The following SLC11A1 variants were observed in gnomAD, a reference collection of about 807,000 sequenced individuals.
The protein encoded by SLC11A1 is natural resistance-associated macrophage protein 1.
In SLC11A1, 59 loss-of-function variants were observed where a neutral mutation model predicts 63.2. The ratio of observed to expected loss-of-function variants is 0.93; its 90% CI spans 0.76 to 1.16. SLC11A1 has a LOEUF of 1.16. Ranked by LOEUF, SLC11A1 falls within the 50% of genes most tolerant of loss-of-function variation. The pLI is 0.00. For missense variants in SLC11A1, 688 were observed against 730.7 expected (o/e 0.94, Z 0.67); for synonymous variants, 305 against 307.8 (o/e 0.99, Z 0.09).
In SLC11A1 at chr2:218,384,426, T is replaced by C; in HGVS notation, c.273+61T>C. On this transcript the variant is annotated intron_variant, in intron 3 of 14. Coordinates refer to ENST00000233202, the MANE Select transcript of SLC11A1 (RefSeq NM_000578.4). The surrounding 1 kb of genome is among the most constrained non-coding windows in gnomAD (Gnocchi z 4.0). ...AGAGGGAGGTGACCAGGCTAAGTGTTGAAGGCCCCTGCTGGCCATGTTTCT... is the reference window on the plus strand; with the variant it reads ...AGAGGGAGGTGACCAGGCTAAGTGTCGAAGGCCCCTGCTGGCCATGTTTCT... 1 of 1,542,304 alleles carries C rather than the reference T, an allele frequency of 6.5e-7. No individual in the cohort carries two copies. The highest frequency in any genetic ancestry group is 1.8e-5 in the Admixed American group (1 of 56,548).
intron 5 of SLC11A1, 120 bp downstream of exon 5, chr2:218,386,861 T>G (rs1696135069): frequency 1.3e-6 from 1 of 755,398 alleles, no homozygotes; most frequent in Non-Finnish European, 2.3e-6. Context: ...GAAGCAGGGC[T>G]GCTGCCCTGT....
chr2:218,394,936 T>G lies in SLC11A1; in HGVS notation c.1554T>G (p.Cys518Trp). The G allele has an allele frequency of 1.9e-6, 3 of 1,613,074 alleles. No individual in the cohort carries two copies. The highest frequency in any genetic ancestry group is 2.5e-6 in the Non-Finnish European group (3 of 1,179,652). The change falls in exon 15 of 15, where the codon TGT (cysteine) becomes TGG (tryptophan). Residue 518 changes from cysteine to tryptophan, a missense_variant. Cys to Trp is a radical substitution (Grantham distance 215, BLOSUM62 -2). Coordinates refer to ENST00000233202, the MANE Select transcript of SLC11A1 (RefSeq NM_000578.4). ...TGCCCCTCCCCCAGGTCTGGACCTG[T>G]TGCCTTGCCCACGGAGCCACCTTTC... is the stretch of plus-strand genomic sequence containing the variant. ...LGLSTYLVWT[C>W]CLAHGATFLA...
rs200188405 is a variant in SLC11A1, at chr2:218,383,122, C to A, written c.150+20C>A. 210 of 1,612,102 alleles carry A rather than the reference C, an allele frequency of 1.3e-4. 3 individuals are homozygous for A. In the Middle Eastern group the frequency reaches 6.6e-3, roughly 51 times the overall value. ...AAACCGGTGGGATGCTGGAAACTTC[C>A]TGGGGGCTTGCAAGATTGACAGGAT... On this transcript the variant is annotated intron_variant, in intron 2 of 14. Coordinates refer to ENST00000233202, the MANE Select transcript of SLC11A1 (RefSeq NM_000578.4).
In SLC11A1 at chr2:218,389,880, T is replaced by G. The variant is rs754247821; in HGVS notation, c.806T>G (p.Ile269Arg). The stretch of plus-strand genomic sequence containing the variant: ...CTTTGATCTTCGTAGTCTCGAGAGA[T>G]AGACCGGGCCCGCCGAGCAGACATC... The part of the protein sequence containing the change: ...LHSALVKSRE[I>R]DRARRADIRE... The change falls in exon 9 of 15, where the codon ATA becomes AGA. Residue 269 changes from isoleucine to arginine, a missense_variant. Transcript: ENST00000233202. 1.8e-5 allele frequency: 29 copies of G among 1,611,020 alleles called. No individual in the cohort carries two copies. The highest frequency in any genetic ancestry group is 2.2e-5 in the Non-Finnish European group (26 of 1,178,340).
rs1260285648 is a variant in SLC11A1, at chr2:218,395,066, T to C, written c.*31T>C. 2 of 1,509,548 alleles carry C rather than the reference T, an allele frequency of 1.3e-6. No homozygotes were observed. The highest frequency in any genetic ancestry group is 2.4e-5 in the East Asian group (1 of 41,936). 93.5% of individuals were successfully genotyped at this position (1,509,548 alleles called of 1,614,324 possible). A position where few individuals can be genotyped will look rare whatever the true frequency, so the allele number is the denominator to read the frequency against. On this transcript the variant is annotated 3_prime_UTR_variant, in exon 15 of 15. Transcript: ENST00000233202. ...CACCAGGGCCTGGCTGGGAGTGGCATGTATGACGTGACTGGCCTGCTGGAT... is the reference window on the plus strand; with the variant it reads ...CACCAGGGCCTGGCTGGGAGTGGCACGTATGACGTGACTGGCCTGCTGGAT...
At position 218,384,163 on chromosome 2, in the gene SLC11A1, C is replaced by T. The variant is rs1695947050; in HGVS notation, c.151-80C>T. On this transcript the variant is annotated intron_variant, in intron 2 of 14. Coordinates refer to ENST00000233202, the MANE Select transcript of SLC11A1 (RefSeq NM_000578.4). This position sits in a 1 kb window ranked among gnomAD's most constrained non-coding sequence, Gnocchi z 4.0. ...TGGGCTGATGAGCCTGTTGGGGCTCCTCTAGGGGATGGCCAAGGCCAGCTG... is the reference window on the plus strand; with the variant it reads ...TGGGCTGATGAGCCTGTTGGGGCTCTTCTAGGGGATGGCCAAGGCCAGCTG... 3 of 1,460,556 alleles carry T rather than the reference C, an allele frequency of 2.1e-6. No homozygotes were observed. Among genetic ancestry groups the T allele is most frequent in the African/African-American group, 1.4e-5 (1 of 71,060 alleles). 90.5% of individuals were successfully genotyped at this position (1,460,556 alleles called of 1,614,324 possible).
chr2:218,391,342 A>G (rs748426471), intron 10 of SLC11A1, 34 bp from the exon 11 acceptor site: 1 of 1,613,928 alleles, frequency 6.2e-7, no homozygotes. Context: ...CGCCTCGGGC[A>G]GGGCCACCGG....
intron 2 of SLC11A1, chr2:218,383,881 GA>G: frequency 1.2e-5 from 2 of 164,766 alleles, no homozygotes; most frequent in Non-Finnish European, 2.6e-5. Context: ...CCCGTGGTCT[GA>G]AAAGGAGCTG....
intron 4 of SLC11A1, chr2:218,385,687 G>A (rs1696064417): frequency 8.4e-6 from 3 of 355,646 alleles, no homozygotes; most frequent in Admixed American, 3.9e-5. Flanking sequence ...CACTGCATCC[G>A]GCCCCAATTC....
chr2:218,395,157 G>T lies in SLC11A1; in HGVS notation c.*122G>T. ...GTTCCTGAGACCAGCCAACCTGGGGGCTTTAGGGACCTGCTGTTTCCTAGC... is the reference window on the plus strand; with the variant it reads ...GTTCCTGAGACCAGCCAACCTGGGGTCTTTAGGGACCTGCTGTTTCCTAGC... On this transcript the variant is annotated 3_prime_UTR_variant, in exon 15 of 15. Coordinates refer to ENST00000233202, the MANE Select transcript of SLC11A1 (RefSeq NM_000578.4). 1 of 704,542 alleles carries T rather than the reference G, an allele frequency of 1.4e-6. No individual in the cohort carries two copies. Among genetic ancestry groups the T allele is most frequent in the East Asian group, 2.7e-5 (1 of 36,740 alleles). The allele number at this position is 704,542 out of a possible 1,614,324, so 43.6% of individuals were successfully genotyped here. A position where few individuals can be genotyped will look rare whatever the true frequency, so the allele number is the denominator to read the frequency against.
rs147035370 is a variant in SLC11A1 at position 218,394,187 on chromosome 2, A to G, written c.1382A>G (p.Asn461Ser). 3.8e-5 allele frequency: 62 copies of G among 1,614,078 alleles called. No homozygotes were observed. Among genetic ancestry groups the G allele is most frequent in the East Asian group, 2.2e-4 (10 of 44,868 alleles). The part of the protein sequence containing the change: ...SMPTLMQEFA[N>S]GLLNKVVTSS... The stretch of plus-strand genomic sequence containing the variant: ...CCCACCCTCATGCAGGAGTTTGCCA[A>G]TGGCCTGTGAGTACCCCCTTTCCCA... The change falls in exon 13 of 15, where the codon AAT becomes AGT. Residue 461 changes from asparagine to serine, a missense_variant. Asn to Ser is a conservative substitution (Grantham distance 46, BLOSUM62 1). Transcript: ENST00000233202.
At chr2:218,387,302 T>C in intron 6 of SLC11A1, 72 bp downstream of exon 6, 2 of 1,439,412 alleles carry the variant, frequency 1.4e-6, no homozygotes, top group African/African-American at 1.4e-5. Flanking sequence ...GGCTCTGACA[T>C]CGAACAGCCT....
At chr2:218,386,309 G>A (rs74967729) in intron 4 of SLC11A1, among the ~76,000 whole-genome samples, 4 of 152,020 alleles carry the variant, frequency 2.6e-5, no homozygotes, top group South Asian at 4.1e-4. Context: ...AAAACTAGCC[G>A]GGCATGGTGG....
chr2:218,383,359 A>AG, intron 2 of SLC11A1: 1 of 492,410 alleles, frequency 2.0e-6, no homozygotes, highest in Non-Finnish European at 3.6e-6. Context: ...AAAGAGGCCC[A>AG]GGGGGAATTG....
intron 9 of SLC11A1, 21 bp from the exon 10 acceptor site, chr2:218,391,177 C>G (rs1696412655): frequency 3.7e-6 from 6 of 1,610,186 alleles, no homozygotes; most frequent in Non-Finnish European, 5.1e-6. Flanking sequence ...CATCTTCCTT[C>G]TACTGCCCTG....
chr2:218,390,145 C>A, intron 9 of SLC11A1, 117 bp downstream of exon 9: 1 of 1,071,528 alleles, frequency 9.3e-7, no homozygotes, highest in Non-Finnish European at 1.3e-6. Context: ...TGATGATCTT[C>A]CCTGTTGGCA....
At chr2:218,387,324 T>C in intron 6 of SLC11A1, 94 bp downstream of exon 6, 1 of 1,257,904 alleles carries the variant, frequency 7.9e-7, no homozygotes, top group Non-Finnish European at 1.1e-6. Flanking sequence ...GGAGCGCACC[T>C]GAGCTCCCTC....
chr2:218,383,071 G>A lies in SLC11A1; in HGVS notation c.119G>A (p.Ser40Asn), dbSNP rs1374366130. 1.2e-6 allele frequency: 2 copies of A among 1,613,882 alleles called. No individual in the cohort carries two copies. Residue 40 changes from serine to asparagine, a missense_variant, in exon 2 of 15, where the codon AGT becomes AAT. Coordinates refer to ENST00000233202, the MANE Select transcript of SLC11A1 (RefSeq NM_000578.4). ...GCACCTCCCAGAGAGACCTACCTGA[G>A]TGAGAAGATCCCCATCCCAGACACA... ...QQAPPRETYL[S>N]EKIPIPDTKP...
Position 218,386,673 on chromosome 2 carries a change from C to A in SLC11A1, c.432C>A (p.Ala144=), listed in dbSNP as rs1406666754. The change falls in exon 5 of 15, where the codon GCC becomes GCA. Residue 144 remains alanine (A), a synonymous_variant. Coordinates refer to ENST00000233202, the MANE Select transcript of SLC11A1 (RefSeq NM_000578.4). The stretch of plus-strand genomic sequence containing the variant: ...TCCTCTGGCTGACCATCGAGCTAGC[C>A]ATTGTGGGCTCCGACATGCAGGAAG... ...RTVLWLTIEL[A]IVGSDMQEVI... 1.2e-6 allele frequency: 2 copies of A among 1,613,978 alleles called. No homozygotes were observed. Among genetic ancestry groups the A allele is most frequent in the African/African-American group, 2.7e-5 (2 of 74,922 alleles).
Sources: allele counts gnomAD v4.1 joint callset (sites outside exome capture counted in the v4.1 genomes callset), GRCh38; gene constraint gnomAD v4.1.1; non-coding constraint Gnocchi (gnomAD v3.1); transcripts MANE v1.5; gene names NCBI Gene and HGNC (gene_info 2026-07-23, HGNC 2026-07-21).